DNAJC1: variants seen among roughly 807,000 people sequenced by gnomAD.
DNAJC1 encodes DnaJ heat shock protein family (Hsp40) member C1.
Under a neutral mutation model 76.6 loss-of-function variants are expected in DNAJC1, and 58 were observed. The observed-to-expected ratio is 0.76, with a 90% CI of 0.61 to 0.94. DNAJC1 has a LOEUF of 0.94. Ranked by LOEUF, DNAJC1 falls within the 40% of genes least tolerant of loss-of-function variation. The pLI is 0.00. For synonymous variants in DNAJC1, 258 were observed against 267.9 expected (o/e 0.96, Z 0.36); for missense variants, 689 against 677.3 (o/e 1.02, Z -0.19).
intron 9 of DNAJC1, among the ~76,000 whole-genome samples, chr10:21,780,486 A>T (rs1047207712): frequency 2.6e-5 from 4 of 152,240 alleles, no homozygotes; most frequent in African/African-American, 9.6e-5. Flanking sequence ...TTTCATAGCC[A>T]GCCAAACTAA....
chr10:21,947,510 C>T (rs1022972652), intron 1 of DNAJC1, among the ~76,000 whole-genome samples: 6 of 152,110 alleles, frequency 3.9e-5, no homozygotes, highest in Non-Finnish European at 8.8e-5. Flanking sequence ...AGTATATTTT[C>T]TCTTATGATT....
chr10:21,968,654 G>A (rs989811462), intron 1 of DNAJC1, among the ~76,000 whole-genome samples: 2 of 151,962 alleles, frequency 1.3e-5, no homozygotes, highest in Admixed American at 6.6e-5. Context: ...GAGACTACAA[G>A]CATCCGCCAC....
chr10:21,866,736 T>G (rs951986370), intron 8 of DNAJC1, among the ~76,000 whole-genome samples: 10 of 152,088 alleles, frequency 6.6e-5, no homozygotes, highest in African/African-American at 9.7e-5. Flanking sequence ...ATTCTCTCAG[T>G]ACATCAAATA....
chr10:21,876,111 G>A (rs937965562), intron 8 of DNAJC1, among the ~76,000 whole-genome samples: 1 of 151,102 alleles, frequency 6.6e-6, no homozygotes, highest in Admixed American at 6.6e-5. Flanking sequence ...TTGAAAAAAC[G>A]TTAATTTTTT....
intron 8 of DNAJC1, among the ~76,000 whole-genome samples, chr10:21,813,096 C>CATATATAT (rs373917334): frequency 0.018 from 2,135 of 117,246 alleles, 61 homozygotes; most frequent in African/African-American, 0.053. Context: ...TACACACACA[C>CATATATAT]ATATATATAT....
At chr10:21,835,107 C>T (rs573396988) in intron 8 of DNAJC1, among the ~76,000 whole-genome samples, 4 of 152,178 alleles carry the variant, frequency 2.6e-5, no homozygotes, top group South Asian at 2.1e-4. Flanking sequence ...CTCACACAGC[C>T]GGGTACTCCT....
At chr10:21,773,763 C>T (rs1324706654) in intron 9 of DNAJC1, among the ~76,000 whole-genome samples, 1 of 148,584 alleles carries the variant, frequency 6.7e-6, no homozygotes, top group Non-Finnish European at 1.5e-5. Context: ...ATTGTTATAT[C>T]TTCCTGAAAT....
chr10:21,768,511 T>A (rs146742257), intron 9 of DNAJC1, among the ~76,000 whole-genome samples: 176 of 152,326 alleles, frequency 1.2e-3, no homozygotes, highest in Non-Finnish European at 2.0e-3. Context: ...TGTTTTCAGT[T>A]TGAAACAAAC....
At chr10:21,908,031 A>G in intron 6 of DNAJC1, among the ~76,000 whole-genome samples, 1 of 37,970 alleles carries the variant, frequency 2.6e-5, no homozygotes, top group Middle Eastern at 6.4e-3. Flanking sequence ...ATATAAATAT[A>G]TAATATAATA....
At chr10:21,881,627 T>C (rs958842726) in intron 8 of DNAJC1, among the ~76,000 whole-genome samples, 1 of 152,000 alleles carries the variant, frequency 6.6e-6, no homozygotes, top group Non-Finnish European at 1.5e-5. Context: ...TTTGCTGTCT[T>C]ACATGTGTGC....
intron 1 of DNAJC1, among the ~76,000 whole-genome samples, chr10:21,943,908 C>CA (rs554420219): frequency 0.041 from 4,981 of 121,798 alleles, 79 homozygotes; most frequent in African/African-American, 0.05. Flanking sequence ...GCCACATCAG[C>CA]AAAAAAAAAA....
At chr10:21,835,957 A>C (rs752553092) in intron 8 of DNAJC1, among the ~76,000 whole-genome samples, 1 of 152,212 alleles carries the variant, frequency 6.6e-6, no homozygotes, top group Non-Finnish European at 1.5e-5. Context: ...CACCATTCAA[A>C]TTCAGGAAAT....
intron 9 of DNAJC1, among the ~76,000 whole-genome samples, chr10:21,788,344 C>T (rs952753437): frequency 6.6e-6 from 1 of 152,186 alleles, no homozygotes; most frequent in African/African-American, 2.4e-5. Context: ...CAGCACATTG[C>T]CCCCTGGGGA....
chr10:21,820,210 G>A (rs1433169054), intron 8 of DNAJC1, among the ~76,000 whole-genome samples: 1 of 152,048 alleles, frequency 6.6e-6, no homozygotes, highest in Non-Finnish European at 1.5e-5. Flanking sequence ...CTTTTACTTA[G>A]CATAATGTTT....
chr10:21,945,555 G>A (rs1231095901), intron 1 of DNAJC1, among the ~76,000 whole-genome samples: 1 of 152,138 alleles, frequency 6.6e-6, no homozygotes, highest in Non-Finnish European at 1.5e-5. Context: ...CATTCAAAGA[G>A]GGGACACCAT....
intron 9 of DNAJC1, among the ~76,000 whole-genome samples, chr10:21,786,445 TATATATATATATATATATAGAGAG>T (rs1564787589): frequency 9.0e-6 from 1 of 110,528 alleles, no homozygotes; most frequent in Admixed American, 9.2e-5. Flanking sequence ...TATATATATA[TATATATATATATATATATAGAGAG>T]AGAGAGAGAG....
intron 8 of DNAJC1, among the ~76,000 whole-genome samples, chr10:21,809,553 G>A (rs1021274526): frequency 6.6e-6 from 1 of 150,674 alleles, no homozygotes; most frequent in Non-Finnish European, 1.5e-5. Context: ...CATATTATTA[G>A]ATATACATAA....
At chr10:21,808,508 T>C (rs535763203) in intron 8 of DNAJC1, among the ~76,000 whole-genome samples, 1 of 152,310 alleles carries the variant, frequency 6.6e-6, no homozygotes, top group African/African-American at 2.4e-5. Flanking sequence ...TTAAAGAGGC[T>C]CGATAGTGAC....
At chr10:21,845,378 T>C (rs950138090) in intron 8 of DNAJC1, among the ~76,000 whole-genome samples, 2 of 150,148 alleles carry the variant, frequency 1.3e-5, no homozygotes, top group Non-Finnish European at 3.0e-5. Flanking sequence ...TTTTTGAGAC[T>C]GGGTCTTGTT....
Sources: gnomAD v4.1 joint callset for allele counts (sites outside exome capture counted in the v4.1 genomes callset) on GRCh38, gnomAD v4.1.1 for gene constraint, MANE v1.5 for transcripts, NCBI Gene and HGNC (gene_info 2026-07-23, HGNC 2026-07-21) for gene names.